OSBP2: variants seen among roughly 807,000 people sequenced by gnomAD.
OSBP2 encodes oxysterol-binding protein 2.
In OSBP2, 66 loss-of-function variants were observed where a neutral mutation model predicts 96.0. That is an observed-to-expected ratio of 0.69 (90% CI 0.56 to 0.84). The LOEUF is 0.84. Among genes scored for constraint, OSBP2 ranks in the 40% least tolerant of loss-of-function variants. OSBP2 has a pLI of 0.00. For missense variants in OSBP2, 1,038 were observed against 1,222.7 expected, an observed-to-expected ratio of 0.85 and a Z score of 2.25; for synonymous variants, 525 against 520.9, an observed-to-expected ratio of 1.01 and a Z score of -0.11.
chr22:30,848,567 T>G (rs958689139), intron 2 of OSBP2, among the ~76,000 whole-genome samples: 4 of 152,152 alleles, frequency 2.6e-5, no homozygotes, highest in African/African-American at 9.7e-5. Flanking sequence ...CCCCAAAAGT[T>G]TTCTCATACC....
chr22:30,898,286 G>A (rs750075617), intron 12 of OSBP2, among the ~76,000 whole-genome samples: 5 of 151,990 alleles, frequency 3.3e-5, no homozygotes, highest in Non-Finnish European at 5.9e-5. Flanking sequence ...CCAGGAGGTC[G>A]AGGCTGCAGT....
At chr22:30,875,856 C>T (rs962243372) in intron 3 of OSBP2, among the ~76,000 whole-genome samples, 1 of 152,250 alleles carries the variant, frequency 6.6e-6, no homozygotes, top group African/African-American at 2.4e-5. Flanking sequence ...CAGCTGCCTC[C>T]TGATCCCTGC....
At chr22:30,886,250 A>T (rs1175312403) in intron 3 of OSBP2, among the ~76,000 whole-genome samples, 2 of 152,238 alleles carry the variant, frequency 1.3e-5, no homozygotes, top group Non-Finnish European at 2.9e-5. Context: ...GGGACAGCTC[A>T]AAAGCAAGGT....
intron 2 of OSBP2, among the ~76,000 whole-genome samples, chr22:30,750,334 A>G (rs2090059196): frequency 6.6e-6 from 1 of 152,198 alleles, no homozygotes. Context: ...ATTCCTGCTT[A>G]GTTGCTGGGA....
chr22:30,778,170 C>CATTTTTTTTTTT lies in OSBP2; in HGVS notation c.853+36801_853+36802insATTTTTTTTTTT, dbSNP rs1569119450. On this transcript the variant is annotated intron_variant, in intron 2 of 13. Coordinates refer to ENST00000332585, the MANE Select transcript of OSBP2 (RefSeq NM_030758.4). Reference sequence around the variant, plus strand: ...CCAGCATGCCCGGCTAATTTTTGCCCTTTTTTTTTTTTTTTTTTTTAGTAG... The same window carrying CATTTTTTTTTTT: ...CCAGCATGCCCGGCTAATTTTTGCCCATTTTTTTTTTTTTTTTTTTTTTTTTTTTTTTAGTAG... Among the ~76,000 whole-genome samples, 36 of 67,038 alleles carry CATTTTTTTTTTT rather than the reference C, an allele frequency of 5.4e-4. 2 individuals carry two copies. The East Asian group carries it at 0.014, about 27-fold the overall frequency. The allele number at this position is 67,038 out of a possible 152,430, so 44.0% of individuals were successfully genotyped here.
intron 2 of OSBP2, among the ~76,000 whole-genome samples, chr22:30,780,998 G>A (rs901381302): frequency 4.6e-5 from 7 of 150,916 alleles, no homozygotes; most frequent in African/African-American, 1.2e-4. Context: ...TTTTTGAGAC[G>A]GAGTTTCGCT....
chr22:30,868,208 G>A (rs2039385052), intron 2 of OSBP2, among the ~76,000 whole-genome samples: 1 of 152,280 alleles, frequency 6.6e-6, no homozygotes, highest in Non-Finnish European at 1.5e-5. Context: ...TCCAGAGAAA[G>A]GGAGGCTTGT....
chr22:30,863,560 G>A (rs2039269740), intron 2 of OSBP2, among the ~76,000 whole-genome samples: 2 of 152,174 alleles, frequency 1.3e-5, no homozygotes, highest in South Asian at 4.2e-4. Context: ...TGGGGGTCTG[G>A]AGCCTTGTGA....
chr22:30,904,595 A>AAT (rs531519651), intron 12 of OSBP2, among the ~76,000 whole-genome samples: 2,619 of 149,844 alleles, frequency 0.017, 52 homozygotes, highest in African/African-American at 0.051. Context: ...ACATAATTAA[A>AAT]ATATATATAT....
chr22:30,889,276 T>C, intron 6 of OSBP2, 42 bp downstream of exon 6: 3 of 1,578,360 alleles, frequency 1.9e-6, no homozygotes, highest in Non-Finnish European at 2.6e-6. Flanking sequence ...AGGCAGCTTC[T>C]GGCCTAGGGG....
chr22:30,724,716 A>G (rs1190042575), intron 1 of OSBP2, among the ~76,000 whole-genome samples: 1 of 152,218 alleles, frequency 6.6e-6, no homozygotes, highest in African/African-American at 2.4e-5. Context: ...ACATCTTGCT[A>G]TGAGCGGGGC....
At chr22:30,889,888 C>G (rs566448527) in intron 7 of OSBP2, among the ~76,000 whole-genome samples, 1 of 152,222 alleles carries the variant, frequency 6.6e-6, no homozygotes, top group East Asian at 1.9e-4. Context: ...ACCTGGGGAG[C>G]CCCAGAGCAC....
intron 1 of OSBP2, among the ~76,000 whole-genome samples, chr22:30,723,474 C>T (rs999002883): frequency 4.6e-5 from 7 of 151,816 alleles, no homozygotes; most frequent in African/African-American, 1.5e-4. Context: ...AGTGCAGTGG[C>T]GTGATCTCGG....
chr22:30,779,843 G>C (rs574426535), intron 2 of OSBP2, among the ~76,000 whole-genome samples: 4 of 152,256 alleles, frequency 2.6e-5, no homozygotes, highest in Non-Finnish European at 5.9e-5. Flanking sequence ...TTGGTGGCTG[G>C]GTGGTCTTTC....
intron 2 of OSBP2, among the ~76,000 whole-genome samples, chr22:30,815,165 C>T (rs925280334): frequency 1.3e-5 from 2 of 152,220 alleles, no homozygotes; most frequent in East Asian, 3.8e-4. Context: ...TACCTATAGT[C>T]CCAGCTACTG....
At chr22:30,792,716 T>G (rs2090693963) in intron 2 of OSBP2, among the ~76,000 whole-genome samples, 1 of 152,220 alleles carries the variant, frequency 6.6e-6, no homozygotes, top group Non-Finnish European at 1.5e-5. Flanking sequence ...CTTACAAGTT[T>G]TGGTTTGTCT....
At chr22:30,895,843 C>T (rs1025389737) in intron 12 of OSBP2, among the ~76,000 whole-genome samples, 1 of 150,682 alleles carries the variant, frequency 6.6e-6, no homozygotes. Context: ...GAGGCTGAGG[C>T]ATGAGAATCA....
In OSBP2 at chr22:30,793,907, G is replaced by A. The variant is rs554062021; in HGVS notation, c.853+52538G>A. ...GCATTATTCACAGTAGCCCAAAGGTGGATGCAACCCAAGTGTTCATTTATG... is the reference window on the plus strand; with the variant it reads ...GCATTATTCACAGTAGCCCAAAGGTAGATGCAACCCAAGTGTTCATTTATG... On this transcript the variant is annotated intron_variant, in intron 2 of 13. Coordinates refer to ENST00000332585, the MANE Select transcript of OSBP2 (RefSeq NM_030758.4). Among the ~76,000 whole-genome samples the A allele has an allele frequency of 7.2e-5, 11 of 152,256 alleles. No homozygotes were observed. The South Asian group carries it at 1.5e-3, about 20-fold the overall frequency.
chr22:30,761,188 G>C (rs955723039), intron 2 of OSBP2, among the ~76,000 whole-genome samples: 5 of 152,146 alleles, frequency 3.3e-5, no homozygotes, highest in African/African-American at 1.2e-4. Context: ...ATTTGCAAGC[G>C]ACATGATGGC....
Sources: allele counts gnomAD v4.1 joint callset (sites outside exome capture counted in the v4.1 genomes callset), GRCh38; gene constraint gnomAD v4.1.1; transcripts MANE v1.5; gene names NCBI Gene and HGNC (gene_info 2026-07-23, HGNC 2026-07-21).